ACTR3: variants seen among roughly 807,000 people sequenced by gnomAD.
ACTR3 encodes the protein actin related protein 3, also known as actin-related protein 3.
A neutral mutation model predicts 56.8 loss-of-function variants in ACTR3; 12 were observed. The observed-to-expected ratio is 0.21, with a 90% CI of 0.14 to 0.34. The LOEUF is 0.34. ACTR3 is among the 10% of genes least tolerant of loss of function. The probability of loss-of-function intolerance (pLI) is 1.00; values close to 1 mark genes in which losing one functional copy is unlikely to be tolerated. For missense variants in ACTR3, 282 were observed against 512.5 expected (o/e 0.55, Z 4.34); for synonymous variants, 162 against 167.4 (o/e 0.97, Z 0.25).
At chr2:113,909,783 AT>A (rs1359425191) in intron 1 of ACTR3, among the ~76,000 whole-genome samples, 1 of 152,098 alleles carries the variant, frequency 6.6e-6, no homozygotes, top group Non-Finnish European at 1.5e-5. Flanking sequence ...ATTGGAAATG[AT>A]TATGGAGAAC....
chr2:113,913,625 T>G (rs933462446), intron 2 of ACTR3, among the ~76,000 whole-genome samples: 1 of 152,222 alleles, frequency 6.6e-6, no homozygotes, highest in African/African-American at 2.4e-5. Flanking sequence ...CCGTATCTGT[T>G]GACGTCCTCA....
intron 8 of ACTR3, among the ~76,000 whole-genome samples, chr2:113,945,253 G>A (rs1679994882): frequency 6.6e-6 from 1 of 152,176 alleles, no homozygotes; most frequent in Non-Finnish European, 1.5e-5. Context: ...AACACTGACA[G>A]ACTTAAAATT....
chr2:113,939,077 G>GC (rs1679878992), intron 6 of ACTR3, among the ~76,000 whole-genome samples: 1 of 151,064 alleles, frequency 6.6e-6, no homozygotes, highest in Non-Finnish European at 1.5e-5. Flanking sequence ...AGGCTGGAGT[G>GC]CAGTGGTGCG....
rs1168014421 is a variant in ACTR3 at position 113,962,533 on chromosome 2, A to G, written c.*5078A>G. The G allele has an allele frequency of 6.6e-6, 1 of 151,862 alleles. No homozygotes were observed. The highest frequency in any genetic ancestry group is 2.4e-5 in the African/African-American group (1 of 41,432). The allele number at this position is 151,862 out of a possible 1,614,324, so 9.4% of individuals were successfully genotyped here. A position where few individuals can be genotyped will look rare whatever the true frequency, so the allele number is the denominator to read the frequency against. On this transcript the variant is annotated 3_prime_UTR_variant, in exon 12 of 12. Transcript: ENST00000263238. ...TAAATTGTTAATCTTATTTGGAATT[A>G]TATTAGAAAGTCGATATCGGAATTG...
intron 3 of ACTR3, among the ~76,000 whole-genome samples, chr2:113,923,184 C>T (rs1377319647): frequency 2.0e-5 from 3 of 152,144 alleles, no homozygotes; most frequent in African/African-American, 4.8e-5. Flanking sequence ...CCTTTTAAAA[C>T]GACACTTCTT....
chr2:113,914,180 C>A (rs1679359848), intron 2 of ACTR3, among the ~76,000 whole-genome samples: 2 of 141,740 alleles, frequency 1.4e-5, no homozygotes, highest in African/African-American at 6.2e-5. Flanking sequence ...GTTTCAGAAT[C>A]AATGAAGTTG....
Position 113,960,209 on chromosome 2 carries a change from G to A in ACTR3, c.*2754G>A, listed in dbSNP as rs1222436064. On this transcript the variant is annotated 3_prime_UTR_variant, in exon 12 of 12. Coordinates refer to ENST00000263238, the MANE Select transcript of ACTR3 (RefSeq NM_005721.5). ...ATGATCATTATCTAACTTGATGCCT[G>A]CTTTTCAAAAAGTGAGCAAATTTCA... 2.0e-5 allele frequency: 3 copies of A among 151,952 alleles called. No homozygotes were observed. The highest frequency in any genetic ancestry group is 4.4e-5 in the Non-Finnish European group (3 of 67,888). The allele number at this position is 151,952 out of a possible 1,614,324, so 9.4% of individuals were successfully genotyped here.
intron 3 of ACTR3, among the ~76,000 whole-genome samples, chr2:113,918,913 G>C (rs1679456334): frequency 1.3e-5 from 2 of 152,140 alleles, no homozygotes; most frequent in South Asian, 4.1e-4. Context: ...GACGGCAGTG[G>C]GGATAGAAAT....
chr2:113,945,646 C>CT (rs1193547396), intron 8 of ACTR3, among the ~76,000 whole-genome samples: 33 of 150,886 alleles, frequency 2.2e-4, no homozygotes, highest in Non-Finnish European at 3.4e-4. Flanking sequence ...GCTTCATTTT[C>CT]TTTTTTTTTA....
chr2:113,908,500 T>C (rs1679245180), intron 1 of ACTR3, among the ~76,000 whole-genome samples: 1 of 151,756 alleles, frequency 6.6e-6, no homozygotes, highest in East Asian at 1.9e-4. Context: ...ATTTTTTTCT[T>C]TTTCTAATAA....
chr2:113,950,143 A>G (rs1467151735), intron 8 of ACTR3, among the ~76,000 whole-genome samples: 1 of 152,108 alleles, frequency 6.6e-6, no homozygotes, highest in Non-Finnish European at 1.5e-5. Context: ...CCCTTGTTTC[A>G]TGTGTGTTTC....
At chr2:113,928,551 T>C (rs1308544848) in intron 4 of ACTR3, among the ~76,000 whole-genome samples, 1 of 152,200 alleles carries the variant, frequency 6.6e-6, no homozygotes, top group Non-Finnish European at 1.5e-5. Context: ...ATAGCAAATA[T>C]TTTTGGCTTT....
chr2:113,954,391 T>TA (rs1238840977), intron 10 of ACTR3: 1 of 152,178 alleles, frequency 6.6e-6, no homozygotes, highest in Non-Finnish European at 1.5e-5. Context: ...GTTTTGCAAT[T>TA]TCTGTCATTC....
At chr2:113,924,077 A>G (rs1208218115) in intron 3 of ACTR3, among the ~76,000 whole-genome samples, 2 of 141,308 alleles carry the variant, frequency 1.4e-5, no homozygotes, top group Non-Finnish European at 3.0e-5. Context: ...TTTTTGAGAC[A>G]GGTGTCTTGC....
chr2:113,912,110 A>C (rs964714258), intron 1 of ACTR3, among the ~76,000 whole-genome samples: 2 of 151,994 alleles, frequency 1.3e-5, no homozygotes, highest in African/African-American at 4.8e-5. Flanking sequence ...TCCTGACCTC[A>C]GGTGATCCAC....
chr2:113,953,597 G>A (rs944315108), intron 10 of ACTR3: 1 of 151,730 alleles, frequency 6.6e-6, no homozygotes, highest in Non-Finnish European at 1.5e-5. Context: ...TCTATCTCTG[G>A]CTTTATTTTC....
chr2:113,890,175 G>C lies in ACTR3; in HGVS notation c.-105G>C. ...GGCTACCCCCCGGACGGTGAAGGCG[G>C]CCCAGCTGTGGATGGTCAGATAGCC... On this transcript the variant is annotated 5_prime_UTR_variant, in exon 1 of 12. Transcript: ENST00000263238. 1.2e-5 allele frequency: 18 copies of C among 1,462,788 alleles called. No homozygotes were observed. Among genetic ancestry groups the C allele is most frequent in the Non-Finnish European group, 1.7e-5 (18 of 1,068,358 alleles). 90.6% of individuals were successfully genotyped at this position (1,462,788 alleles called of 1,614,324 possible).
intron 8 of ACTR3, among the ~76,000 whole-genome samples, chr2:113,944,615 A>T (rs1679984120): frequency 8.3e-6 from 1 of 120,982 alleles, no homozygotes; most frequent in African/African-American, 3.0e-5. Flanking sequence ...AAAAAAAATT[A>T]GCTGGGCGTG....
chr2:113,929,366 C>T (rs1030090332), intron 4 of ACTR3, among the ~76,000 whole-genome samples: 1 of 151,852 alleles, frequency 6.6e-6, no homozygotes, highest in African/African-American at 2.4e-5. Flanking sequence ...TCTTGAACTC[C>T]TGGGCTCCAA....
Sources: gnomAD v4.1 joint callset for allele counts (sites outside exome capture counted in the v4.1 genomes callset) on GRCh38, gnomAD v4.1.1 for gene constraint, MANE v1.5 for transcripts, NCBI Gene and HGNC (gene_info 2026-07-23, HGNC 2026-07-21) for gene names.